RIMS2: variants seen among roughly 807,000 people sequenced by gnomAD.
RIMS2 encodes regulating synaptic membrane exocytosis protein 2.
In RIMS2, 59 loss-of-function variants were observed where a neutral mutation model predicts 174.4. The ratio of observed to expected loss-of-function variants is 0.34; its 90% CI spans 0.27 to 0.42. The LOEUF (loss-of-function observed/expected upper bound fraction) is 0.42, where lower values mean the gene tolerates loss of function less well. Ranked by LOEUF, RIMS2 falls within the 10% of genes least tolerant of loss-of-function variation. The pLI is 1.00. For missense variants in RIMS2, 1,620 were observed against 1,666.3 expected, an observed-to-expected ratio of 0.97 and a Z score of 0.48; for synonymous variants, 606 against 572.5, an observed-to-expected ratio of 1.06 and a Z score of -0.84.
intron 19 of RIMS2, among the ~76,000 whole-genome samples, chr8:104,196,030 A>G (rs2099022442): frequency 6.6e-6 from 1 of 152,206 alleles, no homozygotes; most frequent in East Asian, 1.9e-4. Flanking sequence ...AAGACCTAAT[A>G]TGACTATAAC....
chr8:103,661,283 G>A (rs6986283), intron 1 of RIMS2, among the ~76,000 whole-genome samples: 26,921 of 152,050 alleles, frequency 0.18, 2,591 homozygotes, highest in African/African-American at 0.24. Flanking sequence ...TACTATTGAT[G>A]TGCGTTTGAG....
At chr8:104,223,397 T>TTCG in intron 19 of RIMS2, 1 of 1,261,776 alleles carries the variant, frequency 7.9e-7, no homozygotes, top group Non-Finnish European at 9.9e-7. Flanking sequence ...GGACGTTCAC[T>TTCG]GCGAGCAGCC....
At chr8:104,233,927 G>GA in intron 19 of RIMS2, among the ~76,000 whole-genome samples, 2 of 152,200 alleles carry the variant, frequency 1.3e-5, no homozygotes, top group South Asian at 2.1e-4. Flanking sequence ...GATATCATCT[G>GA]AAAAAAAGGA....
chr8:103,519,747 T>C (rs1830728102), intron 1 of RIMS2, among the ~76,000 whole-genome samples: 1 of 151,360 alleles, frequency 6.6e-6, no homozygotes, highest in South Asian at 2.1e-4. Context: ...TTTTTTTTTT[T>C]TTTTTTAACC....
downstream of RIMS2, chr8:104,255,669 A>G (rs2099366640): frequency 6.6e-6 from 1 of 152,192 alleles, no homozygotes; most frequent in Non-Finnish European, 1.5e-5. Flanking sequence ...TCTGCCTACT[A>G]CTGATGTAAA....
chr8:104,079,386 A>T (rs1242592123), intron 19 of RIMS2, among the ~76,000 whole-genome samples: 1 of 151,602 alleles, frequency 6.6e-6, no homozygotes, highest in Non-Finnish European at 1.5e-5. Context: ...TAAACATATG[A>T]CTTCATCTTT....
At chr8:104,047,608 C>T (rs1394674769) in intron 19 of RIMS2, among the ~76,000 whole-genome samples, 1 of 152,062 alleles carries the variant, frequency 6.6e-6, no homozygotes, top group Non-Finnish European at 1.5e-5. Flanking sequence ...GTGTCCAGTA[C>T]AGAGCAAGCA....
chr8:103,583,708 A>C (rs533006597), intron 1 of RIMS2, among the ~76,000 whole-genome samples: 2 of 152,240 alleles, frequency 1.3e-5, no homozygotes, highest in South Asian at 4.2e-4. Flanking sequence ...TTGAAAATAC[A>C]CAGTCAGAGG....
intron 1 of RIMS2, among the ~76,000 whole-genome samples, chr8:103,589,023 GA>G (rs1310101034): frequency 6.6e-6 from 1 of 151,462 alleles, no homozygotes; most frequent in African/African-American, 2.4e-5. Flanking sequence ...TCACCACTGT[GA>G]TTCAACATAG....
chr8:103,535,491 T>C (rs369223857), intron 1 of RIMS2, among the ~76,000 whole-genome samples: 1 of 152,304 alleles, frequency 6.6e-6, no homozygotes, highest in East Asian at 1.9e-4. Context: ...AGCCCCATTA[T>C]TGAGTCGATT....
intron 19 of RIMS2, among the ~76,000 whole-genome samples, chr8:104,229,591 A>G (rs2099212258): frequency 6.6e-6 from 1 of 152,132 alleles, no homozygotes; most frequent in South Asian, 2.1e-4. Context: ...TTCTTTTCCC[A>G]TTTCTTGCCG....
intron 3 of RIMS2, among the ~76,000 whole-genome samples, chr8:103,856,269 A>G (rs1024080044): frequency 6.6e-6 from 1 of 152,102 alleles, no homozygotes; most frequent in Non-Finnish European, 1.5e-5. Context: ...ACAGTGGTAA[A>G]TCTTAATTTA....
intron 17 of RIMS2, among the ~76,000 whole-genome samples, chr8:104,002,685 G>T (rs2095433940): frequency 6.6e-6 from 1 of 152,112 alleles, no homozygotes; most frequent in Admixed American, 6.6e-5. Flanking sequence ...CTTTCTAAAT[G>T]AATGGGATGA....
chr8:103,903,718 TC>T (rs892498419), intron 4 of RIMS2, among the ~76,000 whole-genome samples: 1 of 152,130 alleles, frequency 6.6e-6, no homozygotes, highest in African/African-American at 2.4e-5. Context: ...TTGTGTAACT[TC>T]CTATCTGAAG....
At chr8:104,051,404 ATAGAT>A (rs1181497926) in intron 19 of RIMS2, among the ~76,000 whole-genome samples, 1 of 152,174 alleles carries the variant, frequency 6.6e-6, no homozygotes, top group Non-Finnish European at 1.5e-5. Flanking sequence ...GAACATAGTT[ATAGAT>A]TATAGATCGT....
chr8:103,995,515 C>G (rs1295426047), intron 17 of RIMS2, among the ~76,000 whole-genome samples: 1 of 151,972 alleles, frequency 6.6e-6, no homozygotes, highest in Non-Finnish European at 1.5e-5. Flanking sequence ...TGAACATGAA[C>G]AAATTCTTGG....
chr8:103,732,266 C>T (rs1269565523), intron 2 of RIMS2, among the ~76,000 whole-genome samples: 1 of 152,212 alleles, frequency 6.6e-6, no homozygotes, highest in African/African-American at 2.4e-5. Flanking sequence ...TAGGCAGAGA[C>T]TCTTGTCTTC....
At chr8:104,251,858 AC>A (rs376818345) in exon 24 of RIMS2, 310 of 1,031,852 alleles carry the variant, frequency 3.0e-4, no homozygotes, top group South Asian at 1.0e-3. Context: ...AACCAGCGTT[AC>A]AAAAAAAAAA....
At chr8:104,030,036 TA>T (rs1298763116) in intron 19 of RIMS2, among the ~76,000 whole-genome samples, 1 of 152,194 alleles carries the variant, frequency 6.6e-6, no homozygotes, top group African/African-American at 2.4e-5. Context: ...TGTTACAGTA[TA>T]GCATATTTTT....
Sources: gnomAD v4.1 joint callset for allele counts (sites outside exome capture counted in the v4.1 genomes callset) on GRCh38, gnomAD v4.1.1 for gene constraint, MANE v1.5 for transcripts, NCBI Gene and HGNC (gene_info 2026-07-23, HGNC 2026-07-21) for gene names.